The following DCAF6 variants were observed in gnomAD, a reference collection of about 807,000 sequenced individuals.
DCAF6 encodes the protein DDB1 and CUL4 associated factor 6, also known as DDB1- and CUL4-associated factor 6.
A neutral mutation model predicts 125.1 loss-of-function variants in DCAF6; 54 were observed. The observed-to-expected ratio is 0.43, with a 90% CI of 0.35 to 0.54. The LOEUF (loss-of-function observed/expected upper bound fraction) is 0.54, where lower values mean the gene tolerates loss of function less well. Ranked by LOEUF, DCAF6 falls within the 20% of genes least tolerant of loss-of-function variation. The pLI, the probability that DCAF6 is intolerant of heterozygous loss-of-function variation, is 0.01. For missense variants in DCAF6, 934 were observed against 1,161.7 expected, an observed-to-expected ratio of 0.80 and a Z score of 2.85; for synonymous variants, 371 against 390.4, an observed-to-expected ratio of 0.95 and a Z score of 0.58.
chr1:167,889,944 G>A, the DCAF6 span, among the ~76,000 whole-genome samples: 1 of 152,012 alleles, frequency 6.6e-6, no homozygotes, highest in Non-Finnish European at 1.5e-5. Flanking sequence ...AGTTAACATG[G>A]CTGAAAGTTT....
intron 6 of DCAF6, among the ~76,000 whole-genome samples, chr1:167,992,834 G>A (rs202259): frequency 0.45 from 68,214 of 152,016 alleles, 17,232 homozygotes; most frequent in African/African-American, 0.68. Flanking sequence ...TATTGCATAC[G>A]TTGCATACTA....
intron 2 of DCAF6, among the ~76,000 whole-genome samples, chr1:167,963,982 C>A (rs1676015185): frequency 6.6e-6 from 1 of 152,164 alleles, no homozygotes; most frequent in African/African-American, 2.4e-5. Context: ...TATTTATAAG[C>A]ACTCATAAGC....
chr1:167,924,876 A>C, the DCAF6 span, among the ~76,000 whole-genome samples: 1 of 152,192 alleles, frequency 6.6e-6, no homozygotes, highest in South Asian at 2.1e-4. Context: ...CTCTCATCCC[A>C]AATGAAAATG....
chr1:167,906,480 T>C, the DCAF6 span, among the ~76,000 whole-genome samples: 1 of 152,018 alleles, frequency 6.6e-6, no homozygotes, highest in East Asian at 1.9e-4. Context: ...TTTGGTGCTA[T>C]ATGAACTTTT....
intron 12 of DCAF6, among the ~76,000 whole-genome samples, chr1:168,033,714 T>A (rs1183204186): frequency 6.6e-6 from 1 of 152,212 alleles, no homozygotes; most frequent in Admixed American, 6.5e-5. Flanking sequence ...TTTATCTTGA[T>A]GTTTATGTGG....
intron 12 of DCAF6, 132 bp from the exon 13 acceptor site, chr1:168,038,239 A>G (rs911317874): frequency 3.1e-6 from 2 of 653,008 alleles, no homozygotes; most frequent in Admixed American, 3.2e-5. Context: ...CAAACTTTAA[A>G]TGAAACCCAT....
At chr1:167,938,931 TAC>T (rs1441015587) in intron 1 of DCAF6, among the ~76,000 whole-genome samples, 2 of 152,312 alleles carry the variant, frequency 1.3e-5, no homozygotes, top group African/African-American at 2.4e-5. Flanking sequence ...AAGCCTGAAT[TAC>T]AGTTTTTCAA....
At chr1:167,948,280 CCT>C (rs1673393793) in intron 1 of DCAF6, among the ~76,000 whole-genome samples, 2 of 152,054 alleles carry the variant, frequency 1.3e-5, no homozygotes, top group Non-Finnish European at 2.9e-5. Flanking sequence ...GATTGCTGAG[CCT>C]CTCATATCTG....
At chr1:168,038,563 G>A (rs549723815) in intron 13 of DCAF6, 75 bp downstream of exon 13, 45 of 1,056,624 alleles carry the variant, frequency 4.3e-5, no homozygotes, top group South Asian at 3.7e-4. Flanking sequence ...TTAACACTTC[G>A]TCATCTTTAT....
chr1:167,962,421 A>G (rs916415689), intron 2 of DCAF6, among the ~76,000 whole-genome samples: 6 of 151,980 alleles, frequency 3.9e-5, no homozygotes, highest in South Asian at 2.1e-4. Context: ...TGTCTTGGGG[A>G]AACTGACCTC....
At chr1:168,030,517 T>A (rs1464971802) in intron 12 of DCAF6, among the ~76,000 whole-genome samples, 1 of 152,192 alleles carries the variant, frequency 6.6e-6, no homozygotes, top group Non-Finnish European at 1.5e-5. Context: ...GAGAATTGAT[T>A]AGAGACTGAA....
chr1:168,017,659 TTGAG>T (rs1437997814), intron 11 of DCAF6, among the ~76,000 whole-genome samples: 1 of 152,140 alleles, frequency 6.6e-6, no homozygotes, highest in Non-Finnish European at 1.5e-5. Context: ...TAGGTTTTAA[TTGAG>T]TAACAATTAT....
At chr1:167,979,506 A>G (rs530583889) in intron 4 of DCAF6, among the ~76,000 whole-genome samples, 7 of 152,230 alleles carry the variant, frequency 4.6e-5, no homozygotes, top group African/African-American at 9.6e-5. Flanking sequence ...TTCACTTAGC[A>G]TGATCATATT....
chr1:168,072,700 G>A (rs1693267838), intron 21 of DCAF6, among the ~76,000 whole-genome samples: 1 of 152,068 alleles, frequency 6.6e-6, no homozygotes, highest in Non-Finnish European at 1.5e-5. Context: ...CAATGAATTT[G>A]TATTATTTCT....
At position 168,003,965 on chromosome 1, in the gene DCAF6, G is replaced by T; in HGVS notation, c.1093G>T (p.Gly365Ter). Residue 365 changes from glycine to a stop codon, truncating the protein, a stop_gained, in exon 9 of 22, where the codon GGA becomes TGA. Transcript: ENST00000367840. LOFTEE classifies it high-confidence loss of function. ...AAGTGAGGTTGCACAAAGCAATAGAGGACGAGGAAGATCTCGACCCAGAGG... is the reference window on the plus strand; with the variant it reads ...AAGTGAGGTTGCACAAAGCAATAGATGACGAGGAAGATCTCGACCCAGAGG... ...EASEVAQSNR[G>*]RGRSRPRGGT... 1 of 1,612,312 alleles carries T rather than the reference G, an allele frequency of 6.2e-7. No individual in the cohort carries two copies. Among genetic ancestry groups the T allele is most frequent in the Non-Finnish European group, 8.5e-7 (1 of 1,179,080 alleles).
At chr1:167,941,556 G>T (rs1672240659) in intron 1 of DCAF6, among the ~76,000 whole-genome samples, 1 of 152,106 alleles carries the variant, frequency 6.6e-6, no homozygotes, top group Non-Finnish European at 1.5e-5. Context: ...CTTACTAGAT[G>T]GGATGCATTC....
At chr1:168,053,574 G>C (rs1690228550) in intron 17 of DCAF6, among the ~76,000 whole-genome samples, 1 of 152,166 alleles carries the variant, frequency 6.6e-6, no homozygotes, top group African/African-American at 2.4e-5. Flanking sequence ...AAGAATCCAG[G>C]CTCAGTGTTC....
At chr1:168,014,349 C>T (rs1231071047) in intron 10 of DCAF6, among the ~76,000 whole-genome samples, 1 of 152,184 alleles carries the variant, frequency 6.6e-6, no homozygotes, top group Non-Finnish European at 1.5e-5. Context: ...ACTTAGCCTA[C>T]AGAGCTCTGA....
At chr1:168,018,295 A>G (rs1019801170) in intron 11 of DCAF6, among the ~76,000 whole-genome samples, 1 of 152,232 alleles carries the variant, frequency 6.6e-6, no homozygotes, top group African/African-American at 2.4e-5. Context: ...AAGGCACCAA[A>G]TGATATCACC....
Sources: gnomAD v4.1 joint callset for allele counts (sites outside exome capture counted in the v4.1 genomes callset) on GRCh38, gnomAD v4.1.1 for gene constraint, MANE v1.5 for transcripts, NCBI Gene and HGNC (gene_info 2026-07-23, HGNC 2026-07-21) for gene names.